ABHD16A: variants seen among roughly 807,000 people sequenced by gnomAD.
ABHD16A encodes the protein abhydrolase domain containing 16A, phospholipase.
Under a neutral mutation model 89.8 loss-of-function variants are expected in ABHD16A, and 47 were observed. The observed-to-expected ratio is 0.52, with a 90% CI of 0.41 to 0.67. ABHD16A has a LOEUF of 0.67. Ranked by LOEUF, ABHD16A falls within the 30% of genes least tolerant of loss-of-function variation. ABHD16A has a pLI of 0.00. For missense variants in ABHD16A, 580 were observed against 734.6 expected, an observed-to-expected ratio of 0.79 and a Z score of 2.43; for synonymous variants, 251 against 280.4, an observed-to-expected ratio of 0.90 and a Z score of 1.05.
intron 8 of ABHD16A, 59 bp downstream of exon 8, chr6:31,691,745 G>A (rs570546790): frequency 2.0e-5 from 31 of 1,533,372 alleles, no homozygotes; most frequent in South Asian, 1.4e-4. Context: ...GGGGTGGGGC[G>A]GGGTGGGTGG....
At chr6:31,689,178 C>A in intron 12 of ABHD16A, 59 bp from the exon 13 acceptor site, 1 of 1,474,252 alleles carries the variant, frequency 6.8e-7, no homozygotes, top group Non-Finnish European at 9.3e-7. Flanking sequence ...CTCCCCACCA[C>A]CCATGCTCTC....
intron 12 of ABHD16A, among the ~76,000 whole-genome samples, chr6:31,689,338 C>A (rs1803626013): frequency 6.6e-6 from 1 of 152,158 alleles, no homozygotes; most frequent in East Asian, 1.9e-4. Context: ...AGGAAACATT[C>A]ACTTTCCCTG....
intron 12 of ABHD16A, 25 bp from the exon 13 acceptor site, chr6:31,689,144 GT>G: frequency 1.2e-6 from 2 of 1,601,388 alleles, no homozygotes; most frequent in Non-Finnish European, 1.7e-6. Context: ...GGGAAGAAGA[GT>G]AAGAACTGAG....
At chr6:31,697,695 T>A (rs1220547770) in intron 4 of ABHD16A, among the ~76,000 whole-genome samples, 10 of 152,220 alleles carry the variant, frequency 6.6e-5, no homozygotes, top group Non-Finnish European at 1.5e-4. Flanking sequence ...CAACTCTCAG[T>A]GCTGACTCTC....
At chr6:31,691,468 G>T (rs1803869400) in intron 9 of ABHD16A, 111 bp downstream of exon 9, 2 of 911,106 alleles carry the variant, frequency 2.2e-6, no homozygotes, top group Non-Finnish European at 1.7e-6. Flanking sequence ...TAGGACATGA[G>T]ATTATCCCCA....
In ABHD16A at chr6:31,686,955, T is replaced by G; in HGVS notation, c.*257A>C. The G allele has an allele frequency of 1.9e-6, 1 of 523,472 alleles. No individual in the cohort carries two copies. The highest frequency in any genetic ancestry group is 2.7e-5 in the South Asian group (1 of 37,316). 32.4% of individuals were successfully genotyped at this position (523,472 alleles called of 1,614,324 possible). A position where few individuals can be genotyped will look rare whatever the true frequency, so the allele number is the denominator to read the frequency against. ...CACTTGAGAAGTTATACAATTAGCC[T>G]GATAGTAGAAAAAATACCTTTTTAT... is the stretch of plus-strand genomic sequence containing the variant. On this transcript the variant is annotated 3_prime_UTR_variant, in exon 20 of 20. Transcript: ENST00000395952. This position sits in a 1 kb window ranked among gnomAD's most constrained non-coding sequence, Gnocchi z 4.3.
At position 31,697,013 on chromosome 6, in the gene ABHD16A, G is replaced by T; in HGVS notation, c.364C>A (p.Pro122Thr). Residue 122 changes from proline to threonine, a missense_variant, in exon 5 of 20, where the codon CCC becomes ACC. Coordinates refer to ENST00000395952, the MANE Select transcript of ABHD16A (RefSeq NM_021160.3). Reference sequence around the variant, plus strand: ...ATGGTGATGAACTGCCGGTACTGGGGGTTGGTCCAGCGGCCAATGCCTGGT... The same window carrying T: ...ATGGTGATGAACTGCCGGTACTGGGTGTTGGTCCAGCGGCCAATGCCTGGT... ...CLRGIGRWTN[P>T]QYRQFITILE... 1 of 1,613,096 alleles carries T rather than the reference G, an allele frequency of 6.2e-7. No individual in the cohort carries two copies. The highest frequency in any genetic ancestry group is 1.1e-5 in the South Asian group (1 of 91,088).
intron 1 of ABHD16A, chr6:31,702,675 G>A (rs1427346264): frequency 9.1e-6 from 14 of 1,544,768 alleles, no homozygotes; most frequent in Non-Finnish European, 1.2e-5. Context: ...GGCGGGGGTT[G>A]AGGGGAGGAC....
rs1419414835 is a variant in ABHD16A at position 31,690,657 on chromosome 6, C to T, written c.844-55G>A. 1.9e-6 allele frequency: 3 copies of T among 1,556,048 alleles called. No individual in the cohort carries two copies. In the African/African-American group the frequency reaches 4.1e-5, roughly 21 times the overall value. Reference sequence around the variant, plus strand: ...GGGGCCAAGTTGGGACTGAAAAACTCCCTTTGGGCAGGGAGGGCAGCCCAT... The same window carrying T: ...GGGGCCAAGTTGGGACTGAAAAACTTCCTTTGGGCAGGGAGGGCAGCCCAT... On this transcript the variant is annotated intron_variant, in intron 9 of 19. Transcript: ENST00000395952. This position sits in a 1 kb window ranked among gnomAD's most constrained non-coding sequence, Gnocchi z 4.1.
chr6:31,687,995 C>G lies in ABHD16A; in HGVS notation c.1370+46G>C, dbSNP rs549698751. ...TCCTTCCCTGTGCTGGTATCAGTAT[C>G]TGTGTGTGTACACTGCCCCCAGCGC... On this transcript the variant is annotated intron_variant, in intron 16 of 19. Transcript: ENST00000395952. The surrounding 1 kb of genome is among the most constrained non-coding windows in gnomAD (Gnocchi z 6.3). 3.3e-5 allele frequency: 53 copies of G among 1,612,072 alleles called. No individual in the cohort carries two copies. The highest frequency in any genetic ancestry group is 8.9e-5 in the East Asian group (4 of 44,870).
Position 31,690,187 on chromosome 6 carries a change from T to A in ABHD16A, c.908-60A>T. On this transcript the variant is annotated intron_variant, in intron 10 of 19. Coordinates refer to ENST00000395952, the MANE Select transcript of ABHD16A (RefSeq NM_021160.3). The surrounding 1 kb of genome is among the most constrained non-coding windows in gnomAD (Gnocchi z 4.1). ...TGGCCCACAGCCCTTTCTCCATCCCTGGGGGAAGGAAGAGCAGAAGTACCC... is the reference window on the plus strand; with the variant it reads ...TGGCCCACAGCCCTTTCTCCATCCCAGGGGGAAGGAAGAGCAGAAGTACCC... The A allele has an allele frequency of 6.8e-7, 1 of 1,474,354 alleles. No homozygotes were observed. Among genetic ancestry groups the A allele is most frequent in the Non-Finnish European group, 9.2e-7 (1 of 1,092,708 alleles). 91.3% of individuals were successfully genotyped at this position (1,474,354 alleles called of 1,614,324 possible). A position where few individuals can be genotyped will look rare whatever the true frequency, so the allele number is the denominator to read the frequency against.
At position 31,691,553 on chromosome 6, in the gene ABHD16A, C is replaced by T. The variant is rs774166138; in HGVS notation, c.843+26G>A. On this transcript the variant is annotated intron_variant, in intron 9 of 19. Coordinates refer to ENST00000395952, the MANE Select transcript of ABHD16A (RefSeq NM_021160.3). ...TACTGCCTTCCTCACACTCACCCCA[C>T]CTCTGGGCTCTCTGCTCCCTCTTAC... 10 of 1,610,702 alleles carry T rather than the reference C, an allele frequency of 6.2e-6. No individual in the cohort carries two copies. In the South Asian group the frequency reaches 8.8e-5, roughly 14 times the overall value.
chr6:31,702,662 T>C lies in ABHD16A; in HGVS notation c.132+488A>G, dbSNP rs1028831091. On this transcript the variant is annotated intron_variant, in intron 1 of 19. Transcript: ENST00000395952. The stretch of plus-strand genomic sequence containing the variant: ...CAATGACTCGGGTCTCCAGGCTAGG[T>C]TGGGCGGGGGTTGAGGGGAGGACCG... 7 of 1,537,562 alleles carry C rather than the reference T, an allele frequency of 4.6e-6. No individual in the cohort carries two copies. In the Admixed American group the frequency reaches 8.5e-5, roughly 19 times the overall value.
rs1803666261 is a variant in ABHD16A at position 31,689,646 on chromosome 6, A to G, written c.1016T>C (p.Ile339Thr). The G allele has an allele frequency of 3.7e-6, 6 of 1,612,438 alleles. No homozygotes were observed. Among genetic ancestry groups the G allele is most frequent in the Non-Finnish European group, 5.1e-6 (6 of 1,179,720 alleles). Residue 339 changes from isoleucine (I) to threonine (T), a missense_variant, in exon 12 of 20, where the codon ATC (isoleucine) becomes ACC (threonine). Physicochemically the swap from Ile to Thr is moderately conservative, Grantham distance 89. This residue lies in a region of ABHD16A where 415 missense variants were observed against 568.8 expected (regional missense o/e 0.73). Transcript: ENST00000395952. ...CTGGGGCTGGAAGCCTAGGCGGTGG[A>G]TGGCAAACTGGACCACCACATCCAT... Reference protein sequence around the residue: ...NAMDVVVQFAIHRLGFQPQDI... With the variant: ...NAMDVVVQFATHRLGFQPQDI...
chr6:31,688,415 C>T lies in ABHD16A; in HGVS notation c.1251-110G>A. On this transcript the variant is annotated intron_variant, in intron 14 of 19. Transcript: ENST00000395952. This position sits in a 1 kb window ranked among gnomAD's most constrained non-coding sequence, Gnocchi z 4.9. The stretch of plus-strand genomic sequence containing the variant: ...TTCTTACCCTCCCCTTGCTATAGCA[C>T]AGCCCTTGACCTAGCCCTTCACTCA... The T allele has an allele frequency of 8.8e-7, 1 of 1,140,714 alleles. No homozygotes were observed. The highest frequency in any genetic ancestry group is 1.3e-6 in the Non-Finnish European group (1 of 765,124). The allele number at this position is 1,140,714 out of a possible 1,614,324, so 70.7% of individuals were successfully genotyped here. A position where few individuals can be genotyped will look rare whatever the true frequency, so the allele number is the denominator to read the frequency against.
rs775537452 is a variant in ABHD16A at position 31,703,296 on chromosome 6, C to T, written c.-15G>A. 8 of 1,342,734 alleles carry T rather than the reference C, an allele frequency of 6.0e-6. No individual in the cohort carries two copies. Among genetic ancestry groups the T allele is most frequent in the Non-Finnish European group, 7.7e-6 (8 of 1,035,350 alleles). 83.2% of individuals were successfully genotyped at this position (1,342,734 alleles called of 1,614,324 possible). A position where few individuals can be genotyped will look rare whatever the true frequency, so the allele number is the denominator to read the frequency against. ...AGCTTCGCCATGGCCCCGGCTCGGG[C>T]CGCTGCTCTTCCAGCAGCAGGTCCC... is the stretch of plus-strand genomic sequence containing the variant. On this transcript the variant is annotated 5_prime_UTR_variant, in exon 1 of 20. Coordinates refer to ENST00000395952, the MANE Select transcript of ABHD16A (RefSeq NM_021160.3).
In ABHD16A at chr6:31,703,308, C is replaced by T. The variant is rs764006140; in HGVS notation, c.-27G>A. 1 of 1,337,702 alleles carries T rather than the reference C, an allele frequency of 7.5e-7. No individual in the cohort carries two copies. Among genetic ancestry groups the T allele is most frequent in the Non-Finnish European group, 9.7e-7 (1 of 1,032,828 alleles). The allele number at this position is 1,337,702 out of a possible 1,614,324, so 82.9% of individuals were successfully genotyped here. On this transcript the variant is annotated 5_prime_UTR_variant, in exon 1 of 20. Transcript: ENST00000395952. ...GCCCCGGCTCGGGCCGCTGCTCTTC[C>T]AGCAGCAGGTCCCCCTGCCGGCCCC...
At position 31,688,754 on chromosome 6, in the gene ABHD16A, G is replaced by C; in HGVS notation, c.1219C>G (p.Leu407Val). The C allele has an allele frequency of 1.2e-6, 2 of 1,613,050 alleles. No homozygotes were observed. Among genetic ancestry groups the C allele is most frequent in the Non-Finnish European group, 1.7e-6 (2 of 1,180,020 alleles). ...GLVTRTVRQH[L>V]NLNNAEQLCR... is the part of the protein sequence containing the mutation. ...AGCTGCTCCGCGTTGTTTAGATTGA[G>C]ATGCTGCCTCACGGTCCTGGTCACC... Residue 407 changes from leucine to valine, a missense_variant, in exon 14 of 20, where the codon CTC becomes GTC. By Grantham distance (32) the Leu-to-Val change is conservative. Coordinates refer to ENST00000395952, the MANE Select transcript of ABHD16A (RefSeq NM_021160.3). The surrounding 1 kb of genome is among the most constrained non-coding windows in gnomAD (Gnocchi z 4.9).
At chr6:31,692,357 G>A (rs1803973502) in intron 7 of ABHD16A, 1 of 163,096 alleles carries the variant, frequency 6.1e-6, no homozygotes, top group African/African-American at 2.4e-5. Context: ...TTAGCACACT[G>A]TCAACAACCA....
Sources: gnomAD v4.1 joint callset for allele counts (sites outside exome capture counted in the v4.1 genomes callset) on GRCh38, gnomAD v4.1.1 for gene constraint, gnomAD v4.1.1 regional missense constraint, Gnocchi (gnomAD v3.1) non-coding constraint, MANE v1.5 for transcripts, NCBI Gene and HGNC (gene_info 2026-07-23, HGNC 2026-07-21) for gene names.